The following SLIT2 variants were observed in gnomAD, a reference collection of about 807,000 sequenced individuals.
The protein encoded by SLIT2 is slit homolog 2 protein.
Under a neutral mutation model 185.7 loss-of-function variants are expected in SLIT2, and 41 were observed. That is an observed-to-expected ratio of 0.22 (90% CI 0.17 to 0.29). The LOEUF (loss-of-function observed/expected upper bound fraction) is 0.29. Ranked by LOEUF, SLIT2 falls within the 10% of genes least tolerant of loss-of-function variation. SLIT2 has a pLI of 1.00. For synonymous variants in SLIT2, 693 were observed against 680.2 expected, an observed-to-expected ratio of 1.02 and a Z score of -0.29; for missense variants, 1,571 against 1,909.0, an observed-to-expected ratio of 0.82 and a Z score of 3.30.
At chr4:20,460,561 A>G (rs1482567291) in intron 4 of SLIT2, among the ~76,000 whole-genome samples, 7 of 152,158 alleles carry the variant, frequency 4.6e-5, no homozygotes, top group East Asian at 1.9e-4. Flanking sequence ...TGTACAATAG[A>G]TCTCTGGAAC....
At chr4:20,408,426 A>AT (rs1046840579) in intron 4 of SLIT2, among the ~76,000 whole-genome samples, 1 of 151,860 alleles carries the variant, frequency 6.6e-6, no homozygotes, top group African/African-American at 2.4e-5. Context: ...GCACATTTTG[A>AT]TTTTTTGTTC....
At chr4:20,599,837 T>C (rs192345873) in intron 33 of SLIT2, among the ~76,000 whole-genome samples, 204 of 152,338 alleles carry the variant, frequency 1.3e-3, no homozygotes, top group Non-Finnish European at 2.7e-3. Context: ...CTGGCCTGCA[T>C]GTTATTGATA....
At chr4:20,435,327 C>T (rs142414564) in intron 4 of SLIT2, among the ~76,000 whole-genome samples, 2 of 152,274 alleles carry the variant, frequency 1.3e-5, no homozygotes, top group African/African-American at 4.8e-5. Flanking sequence ...AGGCACTATC[C>T]TTAACTCCAC....
Position 20,432,001 on chromosome 4 carries a change from C to CTCTGTG in SLIT2, c.396-35750_396-35749insCTGTGT, listed in dbSNP as rs137983627. On this transcript the variant is annotated intron_variant, in intron 4 of 36. Coordinates refer to ENST00000504154, the MANE Select transcript of SLIT2 (RefSeq NM_004787.4). ...TGTGTGTGTGTAAATCTCTCACTCTCTGTGTGTGTGTGTGCTTGTGTGTGT... is the reference window on the plus strand; with the variant it reads ...TGTGTGTGTGTAAATCTCTCACTCTCTCTGTGTGTGTGTGTGTGTGCTTGTGTGTGT... Among the ~76,000 whole-genome samples, 130 of 150,836 alleles carry CTCTGTG rather than the reference C, an allele frequency of 8.6e-4. 2 individuals carry two copies. Among genetic ancestry groups the CTCTGTG allele is most frequent in the Admixed American group, 1.5e-3 (22 of 15,152 alleles).
At chr4:20,274,138 A>G (rs1385368683) in intron 4 of SLIT2, among the ~76,000 whole-genome samples, 1 of 152,198 alleles carries the variant, frequency 6.6e-6, no homozygotes, top group African/African-American at 2.4e-5. Flanking sequence ...TGAATTATAT[A>G]CTGATACTTT....
intron 4 of SLIT2, among the ~76,000 whole-genome samples, chr4:20,431,904 A>G (rs1729011318): frequency 6.6e-6 from 1 of 152,048 alleles, no homozygotes; most frequent in Non-Finnish European, 1.5e-5. Context: ...GATTATTGTA[A>G]GACATTCCAA....
intron 4 of SLIT2, among the ~76,000 whole-genome samples, chr4:20,452,558 C>T (rs555815978): frequency 4.1e-4 from 63 of 152,182 alleles, no homozygotes; most frequent in African/African-American, 1.4e-3. Context: ...CTTTTTTCCT[C>T]TTATTCCGTT....
chr4:20,280,755 TTCTC>T (rs1239097649), intron 4 of SLIT2, among the ~76,000 whole-genome samples: 1 of 152,178 alleles, frequency 6.6e-6, no homozygotes, highest in Non-Finnish European at 1.5e-5. Flanking sequence ...TTTGAGATTA[TTCTC>T]TCTATTATTA....
At chr4:20,387,618 G>A (rs1185707229) in intron 4 of SLIT2, among the ~76,000 whole-genome samples, 3 of 152,122 alleles carry the variant, frequency 2.0e-5, no homozygotes, top group Non-Finnish European at 4.4e-5. Flanking sequence ...AGCAAAAGAG[G>A]CCAAAGAGCT....
chr4:20,432,411 A>C (rs1273394006), intron 4 of SLIT2, among the ~76,000 whole-genome samples: 2 of 152,212 alleles, frequency 1.3e-5, no homozygotes, highest in Non-Finnish European at 2.9e-5. Flanking sequence ...CAGACAAAAT[A>C]GGTCAGAAAA....
chr4:20,509,020 G>T (rs1433888687), intron 9 of SLIT2, among the ~76,000 whole-genome samples: 1 of 151,152 alleles, frequency 6.6e-6, no homozygotes, highest in Non-Finnish European at 1.5e-5. Flanking sequence ...TTACGCGTGT[G>T]TGTGTGCATG....
chr4:20,383,821 G>A (rs777811864), intron 4 of SLIT2, among the ~76,000 whole-genome samples: 1 of 152,052 alleles, frequency 6.6e-6, no homozygotes, highest in Non-Finnish European at 1.5e-5. Context: ...TCCTGCCTCA[G>A]CCTCCAGTGT....
Position 20,480,730 on chromosome 4 carries a change from A to T in SLIT2, c.482A>T (p.Asn161Ile). 6.2e-7 allele frequency: 1 copy of T among 1,613,088 alleles called. No homozygotes were observed. Among genetic ancestry groups the T allele is most frequent in the Non-Finnish European group, 8.5e-7 (1 of 1,179,142 alleles). The change falls in exon 6 of 37, where the codon AAC becomes ATC. Residue 161 changes from asparagine (N) to isoleucine (I), a missense_variant. By Grantham distance (149) the Asn-to-Ile change is moderately radical. This residue lies in a region of SLIT2 where 1,202 missense variants were observed against 1,416.4 expected (regional missense o/e 0.85). Transcript: ENST00000504154. ...CTTTTTAACAGGCAACTGGATTACA[A>T]CCAGATCAGCTGTATTGAAGATGGG... ...VDIKNLQLDY[N>I]QISCIEDGAF...
intron 4 of SLIT2, among the ~76,000 whole-genome samples, chr4:20,277,882 A>C (rs1468664259): frequency 6.6e-6 from 1 of 151,664 alleles, no homozygotes; most frequent in African/African-American, 2.4e-5. Flanking sequence ...GCTTTTATTT[A>C]CTCTTGCTCT....
chr4:20,331,483 G>T (rs1041161305), intron 4 of SLIT2, among the ~76,000 whole-genome samples: 4 of 151,990 alleles, frequency 2.6e-5, no homozygotes, highest in Non-Finnish European at 4.4e-5. Context: ...AAATACATTT[G>T]TTTTCAAATA....
At chr4:20,296,789 G>T (rs563673456) in intron 4 of SLIT2, among the ~76,000 whole-genome samples, 18 of 152,266 alleles carry the variant, frequency 1.2e-4, no homozygotes, top group South Asian at 2.1e-4. Context: ...TGTATCCCCC[G>T]AAAAGAAAAG....
chr4:20,308,792 G>A (rs541459980), intron 4 of SLIT2, among the ~76,000 whole-genome samples: 7 of 152,176 alleles, frequency 4.6e-5, no homozygotes, highest in Admixed American at 3.9e-4. Flanking sequence ...AATATATGAA[G>A]TAATGTCAAG....
At chr4:20,591,686 A>C (rs1374366257) in intron 30 of SLIT2, among the ~76,000 whole-genome samples, 1 of 151,712 alleles carries the variant, frequency 6.6e-6, no homozygotes, top group Non-Finnish European at 1.5e-5. Flanking sequence ...CTCACAATTT[A>C]ATTTGGCAAA....
intron 4 of SLIT2, among the ~76,000 whole-genome samples, chr4:20,288,663 A>G (rs912479466): frequency 6.6e-6 from 1 of 152,250 alleles, no homozygotes; most frequent in South Asian, 2.1e-4. Flanking sequence ...CCTGCAAATA[A>G]ATGACACCTG....
Sources: allele counts gnomAD v4.1 joint callset (sites outside exome capture counted in the v4.1 genomes callset), GRCh38; gene constraint gnomAD v4.1.1; regional missense constraint gnomAD v4.1.1; transcripts MANE v1.5; gene names NCBI Gene and HGNC (gene_info 2026-07-23, HGNC 2026-07-21).